The following SPAG7 variants were observed in gnomAD, a reference collection of about 807,000 sequenced individuals.
SPAG7 encodes sperm associated antigen 7, also known as sperm-associated antigen 7.
Under a neutral mutation model 30.6 loss-of-function variants are expected in SPAG7, and 20 were observed. That is an observed-to-expected ratio of 0.65 (90% CI 0.46 to 0.95). The LOEUF (loss-of-function observed/expected upper bound fraction) is 0.95. SPAG7 is among the 40% of genes least tolerant of loss of function. The pLI, the probability that SPAG7 is intolerant of heterozygous loss-of-function variation, is 0.00. For missense variants in SPAG7, 276 were observed against 291.1 expected (o/e 0.95, Z 0.38); for synonymous variants, 127 against 104.2 (o/e 1.22, Z -1.33).
chr17:4,965,236 AC>A (rs1971930855), intron 1 of SPAG7, among the ~76,000 whole-genome samples: 1 of 151,196 alleles, frequency 6.6e-6, no homozygotes, highest in Non-Finnish European at 1.5e-5. Context: ...TTTCGTAGAG[AC>A]GATGTTTCGC....
At position 4,960,321 on chromosome 17, in the gene SPAG7, G is replaced by A. The variant is rs371118597; in HGVS notation, c.243-3C>T. ...CAGCCACTTCCACCACATCATGTCT[G>A]GGATGGGATGGCAGAGGGGAAAGAG... is the stretch of plus-strand genomic sequence containing the variant. On this transcript the variant is annotated splice_polypyrimidine_tract_variant and splice_region_variant and intron_variant, in intron 3 of 6. Coordinates refer to ENST00000206020, the MANE Select transcript of SPAG7 (RefSeq NM_004890.3). The A allele has an allele frequency of 1.2e-6, 2 of 1,613,824 alleles. No homozygotes were observed. The highest frequency in any genetic ancestry group is 2.7e-5 in the African/African-American group (2 of 74,924).
intron 2 of SPAG7, 27 bp from the exon 3 acceptor site, chr17:4,960,574 A>G (rs528260556): frequency 1.8e-5 from 29 of 1,571,380 alleles, no homozygotes; most frequent in African/African-American, 1.5e-4. Flanking sequence ...GGAAGCAGAT[A>G]TGAGACAATG....
At chr17:4,967,449 G>C (rs1227930415) in intron 1 of SPAG7, among the ~76,000 whole-genome samples, 1 of 152,254 alleles carries the variant, frequency 6.6e-6, no homozygotes, top group Admixed American at 6.5e-5. Flanking sequence ...GTCAGCAGCG[G>C]ACAGGCGGGA....
chr17:4,959,639 G>C lies in SPAG7; in HGVS notation c.579C>G (p.Pro193=). 6.2e-7 allele frequency: 1 copy of C among 1,613,826 alleles called. No individual in the cohort carries two copies. The highest frequency in any genetic ancestry group is 8.5e-7 in the Non-Finnish European group (1 of 1,179,856). ...AGCGTGTGTCCCTCTTATTGGCCAC[G>C]GGCACTAGGGGCAGAGAGGAGGGTA... ...LQANKTYGCV[P]VANKRDTRSI... is the part of the protein sequence containing the mutation. The change falls in exon 7 of 7, where the codon CCC becomes CCG. Residue 193 remains proline, a synonymous_variant. Transcript: ENST00000206020.
chr17:4,959,537 G>A lies in SPAG7; in HGVS notation c.681C>T (p.Ser227=), dbSNP rs1188763966. The A allele has an allele frequency of 6.2e-7, 1 of 1,612,324 alleles. No homozygotes were observed. Among genetic ancestry groups the A allele is most frequent in the Non-Finnish European group, 8.5e-7 (1 of 1,179,532 alleles). The stretch of plus-strand genomic sequence containing the variant: ...CAAAGGGAGCTGGGCGGGGCGCCTA[G>A]GAGGTTGGCGGCAACTCTTCCCCAC... The part of the protein sequence containing the change: ...RQSGEELPPT[S] Residue 227 remains serine, a synonymous_variant, in exon 7 of 7, where the codon TCC becomes TCT. Transcript: ENST00000206020.
chr17:4,966,913 G>T (rs546582974), intron 1 of SPAG7: 8 of 985,410 alleles, frequency 8.1e-6, no homozygotes, highest in Non-Finnish European at 9.6e-6. Context: ...GTCAAGGTCC[G>T]CAGGTTTGGG....
intron 1 of SPAG7, among the ~76,000 whole-genome samples, chr17:4,964,936 T>C (rs111930594): frequency 0.09 from 13,230 of 146,698 alleles, 718 homozygotes; most frequent in Middle Eastern, 0.13. Flanking sequence ...TGAGATGGAG[T>C]TTCGCTCTCT....
chr17:4,959,631 T>C lies in SPAG7; in HGVS notation c.587A>G (p.Asn196Ser), dbSNP rs758850296. 2.5e-6 allele frequency: 4 copies of C among 1,614,068 alleles called. No individual in the cohort carries two copies. In the Admixed American group the frequency reaches 5.0e-5, roughly 20 times the overall value. The change falls in exon 7 of 7, where the codon AAT becomes AGT. Residue 196 changes from asparagine (N) to serine (S), a missense_variant. Transcript: ENST00000206020. The stretch of plus-strand genomic sequence containing the variant: ...TTCAATGGAGCGTGTGTCCCTCTTA[T>C]TGGCCACGGGCACTAGGGGCAGAGA... ...NKTYGCVPVA[N>S]KRDTRSIEEA...
chr17:4,960,210 G>C (rs760531834), intron 4 of SPAG7, 24 bp downstream of exon 4: 3 of 1,610,118 alleles, frequency 1.9e-6, no homozygotes, highest in Non-Finnish European at 1.7e-6. Flanking sequence ...GGAGAGGAGA[G>C]AATGAGGAAT....
chr17:4,959,679 A>G, intron 6 of SPAG7, 36 bp from the exon 7 acceptor site: 1 of 1,613,254 alleles, frequency 6.2e-7, no homozygotes, highest in Non-Finnish European at 8.5e-7. Flanking sequence ...GGGCCTAGAA[A>G]TCCGTACCTC....
At chr17:4,967,152 A>T in intron 1 of SPAG7, 1 of 986,178 alleles carries the variant, frequency 1.0e-6, no homozygotes, top group Non-Finnish European at 1.2e-6. Flanking sequence ...TCGGGAATTT[A>T]AGGCTACGGA....
intron 1 of SPAG7, among the ~76,000 whole-genome samples, chr17:4,961,337 A>T (rs548774975): frequency 1.1e-4 from 16 of 150,206 alleles, no homozygotes; most frequent in Non-Finnish European, 2.2e-4. Flanking sequence ...GGCGCCTATA[A>T]TTCCAGCTAC....
Position 4,967,776 on chromosome 17 carries a change from CTCAGGATGGAGCCCAGTAGG to C in SPAG7, c.9_28del (p.Asp3GlufsTer11), listed in dbSNP as rs1384421916. 1.2e-6 allele frequency: 2 copies of C among 1,614,060 alleles called. No homozygotes were observed. ...GAGGCTGGGTGGCTTCTCCATGGAG[CTCAGGATGGAGCCCAGTAGG>C]TCCGCCATCTTGGGAGTGACTGAGA... On this transcript the variant is annotated frameshift_variant, in exon 1 of 7. Coordinates refer to ENST00000206020, the MANE Select transcript of SPAG7 (RefSeq NM_004890.3). LOFTEE classifies it high-confidence loss of function.
chr17:4,966,850 C>G, intron 1 of SPAG7: 1 of 985,516 alleles, frequency 1.0e-6, no homozygotes, highest in Non-Finnish European at 1.2e-6. Flanking sequence ...AGGCGTCCTG[C>G]CTGCTCTGGT....
chr17:4,966,512 C>T (rs530149669), intron 1 of SPAG7: 1 of 857,310 alleles, frequency 1.2e-6, no homozygotes, highest in East Asian at 1.2e-4. Flanking sequence ...TTCCAGTTCC[C>T]CATTCCCATC....
chr17:4,965,965 GC>G (rs1417717440), intron 1 of SPAG7: 1 of 151,940 alleles, frequency 6.6e-6, no homozygotes, highest in Non-Finnish European at 1.5e-5. Flanking sequence ...TGATTCTCCT[GC>G]CCCAGCCTCC....
Position 4,959,550 on chromosome 17 carries a change from A to G in SPAG7, c.668T>C (p.Leu223Ser), listed in dbSNP as rs757659301. Residue 223 changes from leucine (L) to serine (S), a missense_variant, in exon 7 of 7, where the codon TTG becomes TCG. Physicochemically the swap from Leu to Ser is moderately radical, Grantham distance 145. Coordinates refer to ENST00000206020, the MANE Select transcript of SPAG7 (RefSeq NM_004890.3). ...KKRLRQSGEELPPTS is the reference protein window; with the variant it reads ...KKRLRQSGEESPPTS ...GCGGGGCGCCTAGGAGGTTGGCGGC[A>G]ACTCTTCCCCACTCTGCCGCAGACG... 1.9e-6 allele frequency: 3 copies of G among 1,613,376 alleles called. No homozygotes were observed. Among genetic ancestry groups the G allele is most frequent in the Non-Finnish European group, 2.5e-6 (3 of 1,179,882 alleles).
In SPAG7 at chr17:4,959,925, G is replaced by GA; in HGVS notation, c.418-10dup. ...TGCCTCTGGGCCAGCTCCTAGGGGT[G>GA]AAAGTGGGGGCACTGGTGCTCAGGG... On this transcript the variant is annotated splice_polypyrimidine_tract_variant and intron_variant, in intron 5 of 6. Transcript: ENST00000206020. 6.2e-7 allele frequency: 1 copy of GA among 1,612,900 alleles called. No homozygotes were observed. Among genetic ancestry groups the GA allele is most frequent in the Non-Finnish European group, 8.5e-7 (1 of 1,179,894 alleles).
In SPAG7 at chr17:4,959,865, C is replaced by A. The variant is rs762667278; in HGVS notation, c.469G>T (p.Val157Leu). 3.1e-6 allele frequency: 5 copies of A among 1,613,956 alleles called. No individual in the cohort carries two copies. Among genetic ancestry groups the A allele is most frequent in the Middle Eastern group, 1.7e-4 (1 of 6,054 alleles). ...TCCTTGTAGTCGCTGGCAGGGCTCA[C>A]CACCACAGGCCCCTGCTGGGCTGCC... ...EEAAQQGPVV[V>L]SPASDYKDKY... is the part of the protein sequence containing the mutation. Residue 157 changes from valine to leucine, a missense_variant, in exon 6 of 7, where the codon GTG becomes TTG. By Grantham distance (32) the Val-to-Leu change is conservative (BLOSUM62 1). Coordinates refer to ENST00000206020, the MANE Select transcript of SPAG7 (RefSeq NM_004890.3).
Sources: allele counts gnomAD v4.1 joint callset (sites outside exome capture counted in the v4.1 genomes callset), GRCh38; gene constraint gnomAD v4.1.1; transcripts MANE v1.5; gene names NCBI Gene and HGNC (gene_info 2026-07-23, HGNC 2026-07-21).